PCDHGA7: variants seen among roughly 807,000 people sequenced by gnomAD.
PCDHGA7 encodes the protein protocadherin gamma-A7.
A neutral mutation model predicts 58.3 loss-of-function variants in PCDHGA7; 44 were observed. The ratio of observed to expected loss-of-function variants is 0.75; its 90% CI spans 0.59 to 0.97. The LOEUF (loss-of-function observed/expected upper bound fraction) is 0.97. Among genes scored for constraint, PCDHGA7 ranks in the 50% least tolerant of loss-of-function variants. The pLI, the probability that PCDHGA7 is intolerant of heterozygous loss-of-function variation, is 0.00. For missense variants in PCDHGA7, 1,266 were observed against 1,188.7 expected (o/e 1.06, Z -0.96); for synonymous variants, 516 against 504.2 (o/e 1.02, Z -0.31).
intron 1 of PCDHGA7, chr5:141,441,917 A>G (rs979307331): frequency 3.1e-5 from 11 of 352,364 alleles, no homozygotes; most frequent in African/African-American, 2.0e-4. Context: ...GATGTGAGAC[A>G]CAATGCGTGG....
intron 1 of PCDHGA7, among the ~76,000 whole-genome samples, chr5:141,481,126 A>G (rs2099532217): frequency 6.6e-6 from 1 of 152,222 alleles, no homozygotes. Context: ...CATTTAGCAT[A>G]TTTGTGAAGT....
Position 141,431,587 on chromosome 5 carries a change from A to C in PCDHGA7, c.2424+46264A>C. On this transcript the variant is annotated intron_variant, in intron 1 of 3. Coordinates refer to ENST00000518325, the MANE Select transcript of PCDHGA7 (RefSeq NM_018920.4). This position sits in a 1 kb window ranked among gnomAD's most constrained non-coding sequence, Gnocchi z 4.8. ...ACCCTGACGAAGGAGTCAATGCGGA[A>C]GTGAGGTATTCCTTCCGGTATGTGG... The C allele has an allele frequency of 1.2e-6, 2 of 1,614,236 alleles. No homozygotes were observed. Among genetic ancestry groups the C allele is most frequent in the Non-Finnish European group, 1.7e-6 (2 of 1,180,036 alleles).
intron 2 of PCDHGA7, among the ~76,000 whole-genome samples, chr5:141,501,184 C>T (rs1209222790): frequency 6.6e-6 from 1 of 152,002 alleles, no homozygotes; most frequent in Non-Finnish European, 1.5e-5. Context: ...CATTTTAACA[C>T]AATTAAATTC....
Position 141,413,864 on chromosome 5 carries a change from T to C in PCDHGA7, c.2424+28541T>C. 3 of 1,613,398 alleles carry C rather than the reference T, an allele frequency of 1.9e-6. No homozygotes were observed. The Admixed American group carries it at 5.0e-5, about 27-fold the overall frequency. ...GGTGACCCTCTCCGATCTGGCACTG[T>C]CCTTGTCAGTGTGACTGTCTTCGAT... On this transcript the variant is annotated intron_variant, in intron 1 of 3. Transcript: ENST00000518325.
chr5:141,509,435 T>C (rs547082417), intron 3 of PCDHGA7, among the ~76,000 whole-genome samples: 1 of 152,214 alleles, frequency 6.6e-6, no homozygotes, highest in South Asian at 2.1e-4. Context: ...AAACTCTTGT[T>C]TCCTCCTCTC....
chr5:141,456,875 A>C (rs2098894225), intron 1 of PCDHGA7, among the ~76,000 whole-genome samples: 1 of 152,190 alleles, frequency 6.6e-6, no homozygotes, highest in African/African-American at 2.4e-5. Context: ...AGGCAGGAGA[A>C]TCGCTTGAAC....
chr5:141,491,014 G>A lies in PCDHGA7; in HGVS notation c.2425-3793G>A, dbSNP rs761902295. On this transcript the variant is annotated intron_variant, in intron 1 of 3. Transcript: ENST00000518325. This position sits in a 1 kb window ranked among gnomAD's most constrained non-coding sequence, Gnocchi z 6.9. ...TCCTCCTGGCTCCTTGGTCACCAAG[G>A]TGACAGCCGTGGATGCTGATGCAGG... 6 of 1,614,134 alleles carry A rather than the reference G, an allele frequency of 3.7e-6. No individual in the cohort carries two copies. Among genetic ancestry groups the A allele is most frequent in the Non-Finnish European group, 4.2e-6 (5 of 1,180,044 alleles).
Position 141,383,781 on chromosome 5 carries a change from G to A in PCDHGA7, c.882G>A (p.Leu294=), listed in dbSNP as rs1435690676. 13 of 1,613,850 alleles carry A rather than the reference G, an allele frequency of 8.1e-6. No individual in the cohort carries two copies. Among genetic ancestry groups the A allele is most frequent in the Non-Finnish European group, 1.1e-5 (13 of 1,179,906 alleles). ...ITPKLPKMFH[L]NSLTGEISTL... The stretch of plus-strand genomic sequence containing the variant: ...CTAAACTTCCAAAGATGTTTCATCT[G>A]AACTCGCTTACAGGAGAAATATCAA... The change falls in exon 1 of 4, where the codon CTG becomes CTA. Residue 294 remains leucine (L), a synonymous_variant. Coordinates refer to ENST00000518325, the MANE Select transcript of PCDHGA7 (RefSeq NM_018920.4).
rs1345498022 is a variant in PCDHGA7 at position 141,493,312 on chromosome 5, A to G, written c.2425-1495A>G. On this transcript the variant is annotated intron_variant, in intron 1 of 3. Coordinates refer to ENST00000518325, the MANE Select transcript of PCDHGA7 (RefSeq NM_018920.4). This position sits in a 1 kb window ranked among gnomAD's most constrained non-coding sequence, Gnocchi z 4.3. ...CTCAAGTTCACAGAGCAAGTAAGAG[A>G]GATTCTAACCCCTGTCTAACTCCAG... 6.6e-6 allele frequency among the ~76,000 whole-genome samples: 1 copy of G among 152,174 alleles called. No individual in the cohort carries two copies. Among genetic ancestry groups the G allele is most frequent in the Non-Finnish European group, 1.5e-5 (1 of 68,028 alleles).
At chr5:141,414,230 C>T in intron 1 of PCDHGA7, 5 of 1,613,308 alleles carry the variant, frequency 3.1e-6, no homozygotes, top group Non-Finnish European at 4.2e-6. Flanking sequence ...CCAGAGCTGA[C>T]CATCACGTCT....
At chr5:141,433,034 C>T in intron 1 of PCDHGA7, 1 of 1,614,184 alleles carries the variant, frequency 6.2e-7, no homozygotes. Flanking sequence ...CGAGGTTTCC[C>T]TCACCACGGA....
chr5:141,430,583 C>A, intron 1 of PCDHGA7: 1 of 490,378 alleles, frequency 2.0e-6, no homozygotes, highest in Non-Finnish European at 3.4e-6. Flanking sequence ...AGATCCTGCT[C>A]GCCTTGCACG....
intron 1 of PCDHGA7, among the ~76,000 whole-genome samples, chr5:141,459,831 G>T (rs907978430): frequency 1.3e-5 from 2 of 152,150 alleles, no homozygotes; most frequent in Non-Finnish European, 2.9e-5. Context: ...CTTTTCATGT[G>T]TTGTCTATTT....
At position 141,486,791 on chromosome 5, in the gene PCDHGA7, C is replaced by T. The variant is rs766519569; in HGVS notation, c.2425-8016C>T. 1.8e-5 allele frequency: 29 copies of T among 1,614,108 alleles called. No homozygotes were observed. The highest frequency in any genetic ancestry group is 2.2e-5 in the Non-Finnish European group (26 of 1,180,054). On this transcript the variant is annotated intron_variant, in intron 1 of 3. Coordinates refer to ENST00000518325, the MANE Select transcript of PCDHGA7 (RefSeq NM_018920.4). The surrounding 1 kb of genome is among the most constrained non-coding windows in gnomAD (Gnocchi z 5.0). ...GCAGTTTGAGGTGCAGGCCCGGGAT[C>T]GGGGCAACCCACCCCTTAGCAGCAC...
chr5:141,408,699 CAATT>C (rs778787749), intron 1 of PCDHGA7: 9 of 1,613,534 alleles, frequency 5.6e-6, no homozygotes, highest in Non-Finnish European at 6.8e-6. Flanking sequence ...AACATAAACT[CAATT>C]AAAGATTATA....
At position 141,384,465 on chromosome 5, in the gene PCDHGA7, T is replaced by C; in HGVS notation, c.1566T>C (p.Tyr522=). The C allele has an allele frequency of 1.2e-6, 2 of 1,614,118 alleles. No homozygotes were observed. Among genetic ancestry groups the C allele is most frequent in the Non-Finnish European group, 1.7e-6 (2 of 1,179,948 alleles). ...GVLYALQSFD[Y]EQLRELQLRV... The stretch of plus-strand genomic sequence containing the variant: ...TGTACGCGCTGCAATCCTTTGATTA[T>C]GAGCAGTTGAGAGAACTACAACTAA... The change falls in exon 1 of 4, where the codon TAT becomes TAC. Residue 522 remains tyrosine (Y), a synonymous_variant. Coordinates refer to ENST00000518325, the MANE Select transcript of PCDHGA7 (RefSeq NM_018920.4).
rs539719239 is a variant in PCDHGA7, at chr5:141,431,888, G to A, written c.2424+46565G>A. The A allele has an allele frequency of 6.2e-7, 1 of 1,614,200 alleles. No homozygotes were observed. The highest frequency in any genetic ancestry group is 1.7e-5 in the Admixed American group (1 of 60,036). On this transcript the variant is annotated intron_variant, in intron 1 of 3. Coordinates refer to ENST00000518325, the MANE Select transcript of PCDHGA7 (RefSeq NM_018920.4). The surrounding 1 kb of genome is among the most constrained non-coding windows in gnomAD (Gnocchi z 4.8). ...TTTAAATGTAAATGACCAAGATTCT[G>A]AGGAAAACGGACAGGTGATCTGTTT... is the stretch of plus-strand genomic sequence containing the variant.
chr5:141,421,446 A>G, intron 1 of PCDHGA7: 1 of 1,614,106 alleles, frequency 6.2e-7, no homozygotes, highest in Non-Finnish European at 8.5e-7. Flanking sequence ...GAGGGAAGAC[A>G]CAGCTTTTCG....
At chr5:141,501,330 CACA>C (rs1301023208) in intron 2 of PCDHGA7, among the ~76,000 whole-genome samples, 82 of 151,502 alleles carry the variant, frequency 5.4e-4, no homozygotes, top group Admixed American at 2.2e-3. Flanking sequence ...CACACACACA[CACA>C]CCCCAAACTC....
Sources: gnomAD v4.1 joint callset for allele counts (sites outside exome capture counted in the v4.1 genomes callset) on GRCh38, gnomAD v4.1.1 for gene constraint, Gnocchi (gnomAD v3.1) non-coding constraint, MANE v1.5 for transcripts, NCBI Gene and HGNC (gene_info 2026-07-23, HGNC 2026-07-21) for gene names.